Variants in MSH4 observed in about 807,000 individuals in gnomAD.
The protein encoded by MSH4 is mutS protein homolog 4.
MSH4 carries 106 observed loss-of-function variants against 113.7 expected under a neutral mutation model. The ratio of observed to expected loss-of-function variants is 0.93; its 90% confidence interval spans 0.80 to 1.10. The LOEUF is 1.10. Ranked by LOEUF, MSH4 falls within the 50% of genes least tolerant of loss-of-function variation. The pLI is 0.00. For synonymous variants in MSH4, 368 were observed against 380.2 expected, an observed-to-expected ratio of 0.97 and a Z score of 0.37; for missense variants, 1,061 against 1,093.7, an observed-to-expected ratio of 0.97 and a Z score of 0.42.
chr1:75,812,230 C>G (rs1207170256), intron 4 of MSH4, among the ~76,000 whole-genome samples: 2 of 152,084 alleles, frequency 1.3e-5, no homozygotes, highest in Non-Finnish European at 2.9e-5. Flanking sequence ...TAAACAAAGC[C>G]AAACACTAGC....
intron 7 of MSH4, among the ~76,000 whole-genome samples, chr1:75,835,144 A>G (rs57218288): frequency 0.072 from 10,987 of 152,146 alleles, 523 homozygotes; most frequent in African/African-American, 0.13. Flanking sequence ...TGGTAGTCTA[A>G]ATGAAAGTGG....
At chr1:75,891,297 T>C (rs1180978733) in intron 17 of MSH4, among the ~76,000 whole-genome samples, 1 of 152,148 alleles carries the variant, frequency 6.6e-6, no homozygotes, top group East Asian at 1.9e-4. Flanking sequence ...ATTAAATTAA[T>C]TTATAAAATA....
chr1:75,806,235 GTTTTTTTTTTTTTTTTT>G lies in MSH4; in HGVS notation c.428-732_428-716del, dbSNP rs775023850. On this transcript the variant is annotated intron_variant, in intron 2 of 19. Transcript: ENST00000263187. ...AATATTTTGATGACTTTTCTGTTTG[GTTTTTTTTTTTTTTTTT>G]TTTTTTTTTTTTTGAGAAGGAGTCT... Among the ~76,000 whole-genome samples, 368 of 60,804 alleles carry G rather than the reference GTTTTTTTTTTTTTTTTT, an allele frequency of 6.1e-3. 7 individuals carry two copies. The highest frequency in any genetic ancestry group is 0.026 in the African/African-American group (353 of 13,338). 39.9% of individuals were successfully genotyped at this position (60,804 alleles called of 152,430 possible).
chr1:75,885,184 C>T (rs1328684225), intron 15 of MSH4, among the ~76,000 whole-genome samples: 1 of 142,020 alleles, frequency 7.0e-6, no homozygotes, highest in Non-Finnish European at 1.5e-5. Flanking sequence ...ATAATATACG[C>T]TATGTGTATA....
At chr1:75,843,031 A>G (rs1273912312) in intron 7 of MSH4, among the ~76,000 whole-genome samples, 4 of 152,148 alleles carry the variant, frequency 2.6e-5, no homozygotes, top group Non-Finnish European at 1.5e-5. Flanking sequence ...TGAAAGTACT[A>G]AAAGTCTCTG....
intron 7 of MSH4, among the ~76,000 whole-genome samples, chr1:75,828,691 A>G (rs922044341): frequency 3.3e-5 from 5 of 152,188 alleles, no homozygotes; most frequent in Admixed American, 1.3e-4. Flanking sequence ...GTTCAAAACT[A>G]TTGGGTACTA....
At chr1:75,815,967 C>T (rs1650284237) in intron 5 of MSH4, among the ~76,000 whole-genome samples, 1 of 152,080 alleles carries the variant, frequency 6.6e-6, no homozygotes, top group African/African-American at 2.4e-5. Flanking sequence ...GAGATCACAC[C>T]ACTGTACCCC....
intron 8 of MSH4, among the ~76,000 whole-genome samples, chr1:75,855,845 A>G (rs928981001): frequency 1.3e-5 from 2 of 152,202 alleles, no homozygotes; most frequent in African/African-American, 4.8e-5. Flanking sequence ...AGGGAACACA[A>G]TTCAACCTTT....
intron 6 of MSH4, among the ~76,000 whole-genome samples, chr1:75,822,004 A>G (rs1650426128): frequency 1.3e-5 from 2 of 151,982 alleles, no homozygotes; most frequent in South Asian, 2.1e-4. Context: ...ATTGCTGGCC[A>G]GGCGCGGTGG....
At chr1:75,869,089 G>A (rs1651653023) in intron 9 of MSH4, among the ~76,000 whole-genome samples, 1 of 152,182 alleles carries the variant, frequency 6.6e-6, no homozygotes, top group African/African-American at 2.4e-5. Flanking sequence ...TTGCTGAATG[G>A]CTTTGACCAA....
chr1:75,803,396 A>G lies in MSH4; in HGVS notation c.245-335A>G, dbSNP rs5745322. Among the ~76,000 whole-genome samples the G allele has an allele frequency of 6.3e-3, 961 of 152,272 alleles. 15 individuals are homozygous for G. Among genetic ancestry groups the G allele is most frequent in the Admixed American group, 0.035 (537 of 15,290 alleles). On this transcript the variant is annotated intron_variant, in intron 1 of 19. Coordinates refer to ENST00000263187, the MANE Select transcript of MSH4 (RefSeq NM_002440.4). ...CACTTTGGGAGGCCGAGGCAGGCAG[A>G]TCATGAGGTCAGGAATTCGAGACCA...
chr1:75,828,764 A>C (rs1000551824), intron 7 of MSH4, among the ~76,000 whole-genome samples: 1 of 152,220 alleles, frequency 6.6e-6, no homozygotes, highest in African/African-American at 2.4e-5. Flanking sequence ...CAATGTATCT[A>C]TGCAACAAAC....
intron 3 of MSH4, among the ~76,000 whole-genome samples, chr1:75,808,170 A>G (rs1650109368): frequency 2.0e-5 from 3 of 152,220 alleles, no homozygotes; most frequent in African/African-American, 7.2e-5. Context: ...TTTTTGATCT[A>G]TCTCATCAAA....
At chr1:75,831,140 T>A (rs554712782) in intron 7 of MSH4, among the ~76,000 whole-genome samples, 29 of 152,258 alleles carry the variant, frequency 1.9e-4, no homozygotes, top group Admixed American at 1.1e-3. Flanking sequence ...GTTGCAATCC[T>A]AGTCTCTGAT....
intron 9 of MSH4, among the ~76,000 whole-genome samples, chr1:75,873,180 A>G (rs1202335528): frequency 6.6e-6 from 1 of 152,204 alleles, no homozygotes; most frequent in Non-Finnish European, 1.5e-5. Flanking sequence ...CAAACATTTT[A>G]CACCAGCAGC....
At chr1:75,863,579 A>G (rs1277816222) in intron 8 of MSH4, among the ~76,000 whole-genome samples, 8 of 152,128 alleles carry the variant, frequency 5.3e-5, no homozygotes, top group Non-Finnish European at 1.0e-4. Flanking sequence ...TTTCTCTCCA[A>G]ACCCATTCCA....
chr1:75,827,952 A>G (rs1211115435), intron 7 of MSH4, among the ~76,000 whole-genome samples: 2 of 152,172 alleles, frequency 1.3e-5, no homozygotes, highest in East Asian at 1.9e-4. Flanking sequence ...TTTAATGGGC[A>G]CATTAGTTCC....
At chr1:75,836,820 A>G (rs190222484) in intron 7 of MSH4, among the ~76,000 whole-genome samples, 8 of 152,290 alleles carry the variant, frequency 5.3e-5, no homozygotes, top group Admixed American at 3.3e-4. Context: ...CCTAAATGCT[A>G]TGGCTCTTCA....
At chr1:75,840,574 T>C (rs13375355) in intron 7 of MSH4, among the ~76,000 whole-genome samples, 139,908 of 142,462 alleles carry the variant, frequency 0.98, 68,753 homozygotes, top group East Asian at 1. Context: ...TGCTAAATGA[T>C]GAGTTAATGG....
Sources: gnomAD v4.1 joint callset for allele counts (sites outside exome capture counted in the v4.1 genomes callset) on GRCh38, gnomAD v4.1.1 for gene constraint, MANE v1.5 for transcripts, NCBI Gene and HGNC (gene_info 2026-07-23, HGNC 2026-07-21) for gene names.